The following YIPF7 variants were observed in gnomAD, a reference collection of about 807,000 sequenced individuals.
The protein encoded by YIPF7 is protein YIPF7.
YIPF7 carries 35 observed loss-of-function variants against 27.2 expected under a neutral mutation model. The observed-to-expected ratio is 1.29, with a 90% CI of 0.98 to 1.70. The LOEUF is 1.70. Ranked by LOEUF, YIPF7 falls within the 40% of genes most tolerant of loss-of-function variation. YIPF7 has a pLI of 0.00. For synonymous variants in YIPF7, 137 were observed against 110.4 expected (o/e 1.24, Z -1.51); for missense variants, 358 against 303.7 (o/e 1.18, Z -1.33).
At chr4:44,636,965 G>A (rs55661516) in intron 2 of YIPF7, among the ~76,000 whole-genome samples, 11,771 of 151,930 alleles carry the variant, frequency 0.077, 535 homozygotes, top group Admixed American at 0.13. Flanking sequence ...CCATGTGTAC[G>A]TATTTTTAGC....
At chr4:44,637,682 T>C (rs1713176836) in intron 2 of YIPF7, among the ~76,000 whole-genome samples, 1 of 152,180 alleles carries the variant, frequency 6.6e-6, no homozygotes, top group Admixed American at 6.5e-5. Context: ...GAGATTTTGG[T>C]GTACCCATCA....
chr4:44,633,554 A>G (rs1712997979), intron 3 of YIPF7, among the ~76,000 whole-genome samples: 1 of 152,210 alleles, frequency 6.6e-6, no homozygotes. Flanking sequence ...GTGAGCATCT[A>G]TAAGGAGATA....
upstream of YIPF7, among the ~76,000 whole-genome samples, chr4:44,655,172 T>C (rs1054796290): frequency 1.3e-5 from 2 of 152,010 alleles, no homozygotes; most frequent in Admixed American, 1.3e-4. Flanking sequence ...AGTTAAATAA[T>C]GCATGGCTTG....
At chr4:44,643,522 A>C (rs1713411747) in intron 2 of YIPF7, among the ~76,000 whole-genome samples, 1 of 152,220 alleles carries the variant, frequency 6.6e-6, no homozygotes, top group South Asian at 2.1e-4. Flanking sequence ...AGCAGGCTAC[A>C]AACAATTGCA....
chr4:44,656,356 A>G (rs1713901440), upstream of YIPF7, among the ~76,000 whole-genome samples: 1 of 152,044 alleles, frequency 6.6e-6, no homozygotes, highest in Non-Finnish European at 1.5e-5. Flanking sequence ...TTCCTTCATC[A>G]GTAAAAAGGA....
At chr4:44,632,606 A>G (rs139410380) in intron 3 of YIPF7, among the ~76,000 whole-genome samples, 1 of 152,298 alleles carries the variant, frequency 6.6e-6, no homozygotes, top group East Asian at 1.9e-4. Context: ...GAAACAACAC[A>G]TTTTTGTGCA....
chr4:44,634,597 G>T (rs1713040537), intron 3 of YIPF7, among the ~76,000 whole-genome samples: 1 of 151,966 alleles, frequency 6.6e-6, no homozygotes, highest in Admixed American at 6.6e-5. Context: ...GTACTCAGAT[G>T]CATATATATT....
intron 3 of YIPF7, among the ~76,000 whole-genome samples, chr4:44,631,080 C>A (rs979047797): frequency 2.6e-5 from 4 of 152,160 alleles, no homozygotes; most frequent in African/African-American, 4.8e-5. Context: ...ATTATTTTAT[C>A]CCTACTTTAT....
At chr4:44,637,964 T>A (rs980940754) in intron 2 of YIPF7, among the ~76,000 whole-genome samples, 2 of 152,118 alleles carry the variant, frequency 1.3e-5, no homozygotes, top group Middle Eastern at 6.3e-3. Flanking sequence ...AAGTGACTAA[T>A]ATCCAGAATC....
chr4:44,645,968 C>A (rs1195721452), intron 2 of YIPF7, among the ~76,000 whole-genome samples: 1 of 152,084 alleles, frequency 6.6e-6, no homozygotes, highest in Non-Finnish European at 1.5e-5. Flanking sequence ...GTCTTGGAGA[C>A]AAGATTTGAA....
chr4:44,659,569 A>C (rs1713987190), intron 2 of YIPF7, among the ~76,000 whole-genome samples: 1 of 152,218 alleles, frequency 6.6e-6, no homozygotes, highest in African/African-American at 2.4e-5. Flanking sequence ...ACTATCAATA[A>C]TTTTAAACTA....
At chr4:44,654,969 G>T (rs1713850676), upstream of YIPF7, among the ~76,000 whole-genome samples, 1 of 151,892 alleles carries the variant, frequency 6.6e-6, no homozygotes, top group Admixed American at 6.6e-5. Context: ...TTAATGACTT[G>T]ACAAAACCAG....
Position 44,650,030 on chromosome 4 carries a change from C to A in YIPF7, c.71G>T (p.Ser24Ile). 6.3e-7 allele frequency: 1 copy of A among 1,590,456 alleles called. No homozygotes were observed. Among genetic ancestry groups the A allele is most frequent in the Admixed American group, 1.8e-5 (1 of 57,000 alleles). The change falls in exon 2 of 6, where the codon AGT becomes ATT. Residue 24 changes from serine to isoleucine, a missense_variant. Transcript: ENST00000415895. ...SNFTIDNQEQ[S>I]GNDSNAYGNL... ...TCCATAGGCATTAGAGTCATTACCA[C>A]TCTGCTCCTGGTTATCAATAGTAAA...
intron 2 of YIPF7, among the ~76,000 whole-genome samples, chr4:44,639,250 G>A (rs917367670): frequency 6.6e-6 from 1 of 152,090 alleles, no homozygotes; most frequent in East Asian, 1.9e-4. Flanking sequence ...TATTTTGATA[G>A]TGATTGCATT....
upstream of YIPF7, among the ~76,000 whole-genome samples, chr4:44,653,518 A>G (rs1476260126): frequency 1.3e-5 from 2 of 152,162 alleles, no homozygotes; most frequent in African/African-American, 4.8e-5. Context: ...ATCAGTAAAA[A>G]GAAAATTCAG....
upstream of YIPF7, among the ~76,000 whole-genome samples, chr4:44,651,866 A>G (rs188867053): frequency 2.6e-3 from 400 of 152,332 alleles, 1 homozygote; most frequent in African/African-American, 9.4e-3. Flanking sequence ...CTCTGAGGTA[A>G]GATCATTTAT....
chr4:44,637,671 T>A (rs765420975), intron 2 of YIPF7, among the ~76,000 whole-genome samples: 3 of 152,184 alleles, frequency 2.0e-5, no homozygotes, highest in Non-Finnish European at 4.4e-5. Context: ...TGGTGATTTA[T>A]GAGATTTTGG....
At chr4:44,629,158 G>C in intron 4 of YIPF7, 2 of 341,438 alleles carry the variant, frequency 5.9e-6, no homozygotes, top group Non-Finnish European at 1.0e-5. Context: ...TAACAAAAAA[G>C]ACATAAATGA....
exon 2 of YIPF7, chr4:44,660,578 G>A (rs1432774797): frequency 1.3e-5 from 2 of 152,320 alleles, no homozygotes; most frequent in East Asian, 1.9e-4. Context: ...TGAGGCCACA[G>A]ACATCACAGA....
Sources: gnomAD v4.1 joint callset for allele counts (sites outside exome capture counted in the v4.1 genomes callset) on GRCh38, gnomAD v4.1.1 for gene constraint, MANE v1.5 for transcripts, NCBI Gene and HGNC (gene_info 2026-07-23, HGNC 2026-07-21) for gene names.